The following DPP10 variants were observed in gnomAD, a reference collection of about 807,000 sequenced individuals.
The protein encoded by DPP10 is dipeptidyl peptidase like 10.
DPP10 carries 33 observed loss-of-function variants against 120.9 expected under a neutral mutation model. That is an observed-to-expected ratio of 0.27 (90% CI 0.21 to 0.37). DPP10 has a LOEUF of 0.37. DPP10 is among the 10% of genes least tolerant of loss of function. The pLI, the probability that DPP10 is intolerant of heterozygous loss-of-function variation, is 1.00. For missense variants in DPP10, 816 were observed against 942.8 expected, an observed-to-expected ratio of 0.87 and a Z score of 1.76; for synonymous variants, 337 against 326.1, an observed-to-expected ratio of 1.03 and a Z score of -0.36.
intron 1 of DPP10, among the ~76,000 whole-genome samples, chr2:115,251,221 T>C (rs115090514): frequency 0.061 from 9,352 of 152,304 alleles, 340 homozygotes; most frequent in Middle Eastern, 0.11. Context: ...TAAGAAAAGC[T>C]TCACAGCTTT....
At chr2:114,557,118 G>C (rs183880052) in intron 1 of DPP10, among the ~76,000 whole-genome samples, 1 of 151,600 alleles carries the variant, frequency 6.6e-6, no homozygotes, top group African/African-American at 2.4e-5. Flanking sequence ...TAATCATAAA[G>C]AGGTGAGAAA....
intron 1 of DPP10, among the ~76,000 whole-genome samples, chr2:114,771,369 C>G (rs890765277): frequency 1.3e-5 from 2 of 152,178 alleles, no homozygotes; most frequent in Admixed American, 1.3e-4. Flanking sequence ...CTGGACTGCT[C>G]TCATAGCAAA....
At chr2:115,362,356 T>C (rs1478665008) in intron 3 of DPP10, among the ~76,000 whole-genome samples, 4 of 152,182 alleles carry the variant, frequency 2.6e-5, no homozygotes, top group Non-Finnish European at 5.9e-5. Flanking sequence ...TTTTCTAACT[T>C]AGGTAGATAT....
At chr2:114,653,507 T>C (rs970282697) in intron 1 of DPP10, among the ~76,000 whole-genome samples, 1 of 152,184 alleles carries the variant, frequency 6.6e-6, no homozygotes, top group Non-Finnish European at 1.5e-5. Context: ...ATGAATATAC[T>C]ATGCATCAGC....
At chr2:114,923,784 G>T (rs1388691592) in intron 1 of DPP10, among the ~76,000 whole-genome samples, 3 of 149,744 alleles carry the variant, frequency 2.0e-5, no homozygotes, top group Non-Finnish European at 2.9e-5. Flanking sequence ...TTTCTTGATG[G>T]TGTACTCAAT....
intron 1 of DPP10, among the ~76,000 whole-genome samples, chr2:114,841,517 G>A (rs539257499): frequency 5.9e-5 from 9 of 152,218 alleles, no homozygotes; most frequent in African/African-American, 2.2e-4. Context: ...TCAAATGGAG[G>A]TTCAATGTGA....
intron 1 of DPP10, among the ~76,000 whole-genome samples, chr2:114,885,281 G>A (rs1255430385): frequency 2.0e-5 from 3 of 152,094 alleles, no homozygotes; most frequent in Non-Finnish European, 4.4e-5. Context: ...GAGTGTGGAG[G>A]CGCAGGTGCC....
At chr2:115,728,598 A>T (rs2092824620) in intron 8 of DPP10, among the ~76,000 whole-genome samples, 1 of 152,152 alleles carries the variant, frequency 6.6e-6, no homozygotes, top group African/African-American at 2.4e-5. Context: ...TTTTGGCAAA[A>T]TATGTCAAGA....
At chr2:114,444,578 G>GA (rs5833544) in intron 1 of DPP10, among the ~76,000 whole-genome samples, 79,095 of 151,410 alleles carry the variant, frequency 0.52, 21,156 homozygotes, top group Middle Eastern at 0.72. Context: ...CTGTGGAACA[G>GA]AAAAAAAAAT....
intron 1 of DPP10, among the ~76,000 whole-genome samples, chr2:114,565,106 T>C (rs1305596606): frequency 6.6e-6 from 1 of 152,166 alleles, no homozygotes; most frequent in Non-Finnish European, 1.5e-5. Context: ...ATGGAGGTTA[T>C]AGCAAGAATG....
intron 1 of DPP10, among the ~76,000 whole-genome samples, chr2:114,839,613 A>G (rs1688000069): frequency 1.3e-5 from 2 of 152,200 alleles, no homozygotes; most frequent in African/African-American, 4.8e-5. Context: ...ATCAAGTGTT[A>G]TACATATTCT....
At chr2:115,787,522 A>G (rs916365465) in intron 17 of DPP10, among the ~76,000 whole-genome samples, 1 of 152,226 alleles carries the variant, frequency 6.6e-6, no homozygotes, top group Non-Finnish European at 1.5e-5. Flanking sequence ...TGGACTTGAA[A>G]CAATATCAGT....
intron 3 of DPP10, among the ~76,000 whole-genome samples, chr2:115,370,096 A>C (rs2065312978): frequency 6.6e-6 from 1 of 152,146 alleles, no homozygotes; most frequent in Non-Finnish European, 1.5e-5. Context: ...TTTAATATTG[A>C]GATTTCTCAT....
At chr2:114,988,218 T>A (rs927482928) in intron 1 of DPP10, among the ~76,000 whole-genome samples, 3 of 152,212 alleles carry the variant, frequency 2.0e-5, no homozygotes, top group Admixed American at 6.5e-5. Context: ...TCCGGAGAAG[T>A]TTGTTGCTTT....
At chr2:114,872,825 G>A (rs1690798788) in intron 1 of DPP10, among the ~76,000 whole-genome samples, 1 of 152,152 alleles carries the variant, frequency 6.6e-6, no homozygotes, top group Non-Finnish European at 1.5e-5. Context: ...AAGACTCTAA[G>A]ACTGCCAACA....
chr2:115,441,048 T>G (rs1362143073), intron 3 of DPP10: 2 of 149,486 alleles, frequency 1.3e-5, no homozygotes, highest in Non-Finnish European at 3.0e-5. Context: ...CTTATTTACA[T>G]GAGAAGCAAG....
At chr2:115,637,671 A>G (rs2086454725) in intron 5 of DPP10, among the ~76,000 whole-genome samples, 1 of 152,214 alleles carries the variant, frequency 6.6e-6, no homozygotes, top group African/African-American at 2.4e-5. Context: ...TGAATTTATG[A>G]GTGAGCCCCG....
At chr2:114,731,420 G>A (rs555328085) in intron 1 of DPP10, among the ~76,000 whole-genome samples, 95 of 152,252 alleles carry the variant, frequency 6.2e-4, no homozygotes, top group African/African-American at 2.2e-3. Flanking sequence ...CAGGAGAGCA[G>A]CTGTAAACTC....
intron 2 of DPP10, among the ~76,000 whole-genome samples, chr2:115,326,079 C>T (rs1256364329): frequency 6.6e-6 from 1 of 152,152 alleles, no homozygotes; most frequent in African/African-American, 2.4e-5. Flanking sequence ...TTGAAAGACT[C>T]TTACCCACGT....
Sources: gnomAD v4.1 joint callset for allele counts (sites outside exome capture counted in the v4.1 genomes callset) on GRCh38, gnomAD v4.1.1 for gene constraint, MANE v1.5 for transcripts, NCBI Gene and HGNC (gene_info 2026-07-23, HGNC 2026-07-21) for gene names.